The following LGALS3 variants were observed in gnomAD, a reference collection of about 807,000 sequenced individuals.
The protein encoded by LGALS3 is galectin-3.
Under a neutral mutation model 20.7 loss-of-function variants are expected in LGALS3, and 18 were observed. The ratio of observed to expected loss-of-function variants is 0.87; its 90% CI spans 0.60 to 1.29. The LOEUF (loss-of-function observed/expected upper bound fraction) is 1.29. LGALS3 is among the 50% of genes most tolerant of loss of function. The pLI is 0.00. For synonymous variants in LGALS3, 112 were observed against 119.6 expected, an observed-to-expected ratio of 0.94 and a Z score of 0.42; for missense variants, 315 against 314.7, an observed-to-expected ratio of 1.00 and a Z score of -0.01.
chr14:55,135,921 C>G (rs1172395850), intron 1 of LGALS3, among the ~76,000 whole-genome samples: 1 of 152,104 alleles, frequency 6.6e-6, no homozygotes, highest in Admixed American at 6.6e-5. Context: ...GGGGCCGATG[C>G]CATTTCTAAA....
In LGALS3 at chr14:55,135,571, T is replaced by G. The variant is rs1035367885; in HGVS notation, c.-4-1799T>G. On this transcript the variant is annotated intron_variant, in intron 1 of 5. Transcript: ENST00000254301. ...GGTAATATTTTATGGTTTTTTTTTT[T>G]TTTTTTTTTTTTTGAGATGAGGTCG... Among the ~76,000 whole-genome samples the G allele has an allele frequency of 4.9e-5, 7 of 143,416 alleles. No individual in the cohort carries two copies. In the South Asian group the frequency reaches 1.2e-3, roughly 24 times the overall value. 94.1% of individuals were successfully genotyped at this position (143,416 alleles called of 152,430 possible).
At chr14:55,141,657 GA>G (rs35566145) in intron 4 of LGALS3, among the ~76,000 whole-genome samples, 4 of 151,458 alleles carry the variant, frequency 2.6e-5, no homozygotes, top group Non-Finnish European at 4.4e-5. Flanking sequence ...GAACTGTGTA[GA>G]AAAAAAAAGT....
chr14:55,144,346 A>G (rs1881739072), intron 5 of LGALS3, among the ~76,000 whole-genome samples: 1 of 152,176 alleles, frequency 6.6e-6, no homozygotes, highest in Non-Finnish European at 1.5e-5. Context: ...GGATTTCACC[A>G]TGTTGCCTGG....
At position 55,145,199 on chromosome 14, in the gene LGALS3, A is replaced by T; in HGVS notation, c.681A>T (p.Lys227Asn). 1 of 1,613,794 alleles carries T rather than the reference A, an allele frequency of 6.2e-7. No homozygotes were observed. Among genetic ancestry groups the T allele is most frequent in the Non-Finnish European group, 8.5e-7 (1 of 1,179,904 alleles). Residue 227 changes from lysine to asparagine, a missense_variant, in exon 6 of 6, where the codon AAA becomes AAT. Transcript: ENST00000254301. ...HLLQYNHRVK[K>N]LNEISKLGIS... Reference sequence around the variant, plus strand: ...TGCAGTACAATCATCGGGTTAAAAAACTCAATGAAATCAGCAAACTGGGAA... The same window carrying T: ...TGCAGTACAATCATCGGGTTAAAAATCTCAATGAAATCAGCAAACTGGGAA...
chr14:55,142,276 A>G (rs1165207674), intron 4 of LGALS3, among the ~76,000 whole-genome samples: 1 of 152,186 alleles, frequency 6.6e-6, no homozygotes, highest in African/African-American at 2.4e-5. Flanking sequence ...TCTGTAAGAA[A>G]ACCTCGAAGG....
chr14:55,142,514 TAC>T, intron 4 of LGALS3, 68 bp from the exon 5 acceptor site: 1 of 1,306,920 alleles, frequency 7.7e-7, no homozygotes, highest in East Asian at 2.3e-5. Context: ...TTTAGAAAAT[TAC>T]ATGTTCTTTA....
chr14:55,137,289 C>A, intron 1 of LGALS3, 81 bp from the exon 2 acceptor site: 1 of 1,304,918 alleles, frequency 7.7e-7, no homozygotes, highest in Non-Finnish European at 1.1e-6. Flanking sequence ...TAGAACTGCA[C>A]AATGAACTAG....
chr14:55,137,450 G>A, intron 2 of LGALS3, 59 bp downstream of exon 2: 1 of 1,614,050 alleles, frequency 6.2e-7, no homozygotes, highest in Non-Finnish European at 8.5e-7. Flanking sequence ...GAGGGTTGGG[G>A]GTTTTGTTTT....
Position 55,137,156 on chromosome 14 carries a change from C to T in LGALS3, c.-4-214C>T, listed in dbSNP as rs77419946. On this transcript the variant is annotated intron_variant, in intron 1 of 5. Transcript: ENST00000254301. ...AGATTCAGAGCACAGGCTAGTGTGA[C>T]GGAAGTTTAAACTTGTGAGTTAAAT... 5.0e-3 allele frequency: 3,101 copies of T among 622,090 alleles called. 68 individuals are homozygous for T. Among genetic ancestry groups the T allele is most frequent in the African/African-American group, 0.048 (2,649 of 54,684 alleles). The allele number at this position is 622,090 out of a possible 1,614,324, so 38.5% of individuals were successfully genotyped here. A position where few individuals can be genotyped will look rare whatever the true frequency, so the allele number is the denominator to read the frequency against.
Position 55,145,107 on chromosome 14 carries a change from C to A in LGALS3, c.598-9C>A, listed in dbSNP as rs559258237. On this transcript the variant is annotated splice_polypyrimidine_tract_variant and intron_variant, in intron 5 of 5. Coordinates refer to ENST00000254301, the MANE Select transcript of LGALS3 (RefSeq NM_002306.4). ...CCTCATGTAACAGTTTATGTATATG[C>A]CATTTCAGATACAAGTACTGGTTGA... 7 of 1,608,904 alleles carry A rather than the reference C, an allele frequency of 4.4e-6. No individual in the cohort carries two copies. Among genetic ancestry groups the A allele is most frequent in the Non-Finnish European group, 6.0e-6 (7 of 1,175,860 alleles).
At chr14:55,139,692 A>C (rs1881550571) in intron 3 of LGALS3, among the ~76,000 whole-genome samples, 1 of 152,168 alleles carries the variant, frequency 6.6e-6, no homozygotes, top group African/African-American at 2.4e-5. Flanking sequence ...TTAAAAAGGG[A>C]AAGAAAAGAG....
chr14:55,137,405 GC>G lies in LGALS3; in HGVS notation c.18+16del. Reference sequence around the variant, plus strand: ...GACAATTTTTCGGTAAGTGTTTTATGCCTGTTTCTTCCCCTTGATCAGCTCC... The same window carrying G: ...GACAATTTTTCGGTAAGTGTTTTATGCTGTTTCTTCCCCTTGATCAGCTCC... On this transcript the variant is annotated intron_variant, in intron 2 of 5. Transcript: ENST00000254301. 6.2e-7 allele frequency: 1 copy of G among 1,614,160 alleles called. No homozygotes were observed. The highest frequency in any genetic ancestry group is 2.2e-5 in the East Asian group (1 of 44,892).
chr14:55,136,668 C>T (rs1403237004), intron 1 of LGALS3, among the ~76,000 whole-genome samples: 2 of 152,080 alleles, frequency 1.3e-5, no homozygotes, highest in Non-Finnish European at 2.9e-5. Flanking sequence ...ACAAACAATC[C>T]AGTTATACTT....
At chr14:55,141,260 C>A (rs1881612378) in intron 4 of LGALS3, among the ~76,000 whole-genome samples, 1 of 152,224 alleles carries the variant, frequency 6.6e-6, no homozygotes, top group Admixed American at 6.5e-5. Flanking sequence ...CATCTTTCCA[C>A]ACAGCCTAGA....
chr14:55,133,097 T>A (rs1236874728), intron 1 of LGALS3, among the ~76,000 whole-genome samples: 1 of 152,232 alleles, frequency 6.6e-6, no homozygotes, highest in Non-Finnish European at 1.5e-5. Flanking sequence ...AATTTCAGTA[T>A]GTTATGTAGT....
At chr14:55,136,548 T>C (rs1236611372) in intron 1 of LGALS3, among the ~76,000 whole-genome samples, 2 of 152,162 alleles carry the variant, frequency 1.3e-5, no homozygotes, top group Admixed American at 1.3e-4. Flanking sequence ...TATGGGTACA[T>C]AGCAGGTATA....
At chr14:55,142,856 T>A (rs1594654984) in intron 5 of LGALS3, 107 bp downstream of exon 5, 2 of 846,728 alleles carry the variant, frequency 2.4e-6, no homozygotes, top group Middle Eastern at 7.3e-4. Flanking sequence ...TCTCCTAAGG[T>A]GCCTAACCAG....
chr14:55,141,891 T>C (rs1881638045), intron 4 of LGALS3, among the ~76,000 whole-genome samples: 1 of 152,202 alleles, frequency 6.6e-6, no homozygotes, highest in South Asian at 2.1e-4. Context: ...TAGAGCGCAC[T>C]TTGAGAAACT....
intron 1 of LGALS3, among the ~76,000 whole-genome samples, chr14:55,131,134 T>C (rs1881220368): frequency 6.6e-6 from 1 of 152,140 alleles, no homozygotes; most frequent in Non-Finnish European, 1.5e-5. Context: ...GGGAGAAGTT[T>C]GATGATGGTC....
Sources: allele counts gnomAD v4.1 joint callset (sites outside exome capture counted in the v4.1 genomes callset), GRCh38; gene constraint gnomAD v4.1.1; transcripts MANE v1.5; gene names NCBI Gene and HGNC (gene_info 2026-07-23, HGNC 2026-07-21).